PTPRM: variants seen among roughly 807,000 people sequenced by gnomAD.
PTPRM encodes protein tyrosine phosphatase receptor type M.
Under a neutral mutation model 186.7 loss-of-function variants are expected in PTPRM, and 47 were observed. The observed-to-expected ratio is 0.25, with a 90% CI of 0.20 to 0.32. PTPRM has a LOEUF of 0.32. Ranked by LOEUF, PTPRM falls within the 10% of genes least tolerant of loss-of-function variation. The pLI, the probability that PTPRM is intolerant of heterozygous loss-of-function variation, is 1.00. For missense variants in PTPRM, 1,494 were observed against 1,865.0 expected (o/e 0.80, Z 3.66); for synonymous variants, 668 against 674.9 (o/e 0.99, Z 0.16).
chr18:8,159,204 A>G (rs1253837343), intron 14 of PTPRM, among the ~76,000 whole-genome samples: 2 of 151,668 alleles, frequency 1.3e-5, no homozygotes, highest in Non-Finnish European at 2.9e-5. Context: ...TCTCAGCATT[A>G]TAAGATGTAG....
chr18:8,243,424 G>C (rs1412896782), intron 14 of PTPRM, among the ~76,000 whole-genome samples: 1 of 152,120 alleles, frequency 6.6e-6, no homozygotes, highest in Non-Finnish European at 1.5e-5. Flanking sequence ...TTTGGGATTT[G>C]GGACAGGGTC....
chr18:8,200,324 G>A (rs766024329), intron 14 of PTPRM, among the ~76,000 whole-genome samples: 7 of 152,168 alleles, frequency 4.6e-5, no homozygotes, highest in Non-Finnish European at 1.0e-4. Flanking sequence ...GAGCTGGGAT[G>A]TGACTCAGCA....
At chr18:7,922,967 G>A (rs566661476) in intron 4 of PTPRM, among the ~76,000 whole-genome samples, 2 of 152,120 alleles carry the variant, frequency 1.3e-5, no homozygotes, top group Non-Finnish European at 2.9e-5. Context: ...CTAATTTTTT[G>A]TTGTGGGGGC....
chr18:8,234,683 A>C (rs761641066), intron 14 of PTPRM, among the ~76,000 whole-genome samples: 1 of 152,052 alleles, frequency 6.6e-6, no homozygotes, highest in African/African-American at 2.4e-5. Context: ...GAAAGCTTTT[A>C]TTTTTGCAAC....
chr18:8,195,017 C>A (rs962279625), intron 14 of PTPRM, among the ~76,000 whole-genome samples: 1 of 152,184 alleles, frequency 6.6e-6, no homozygotes, highest in Non-Finnish European at 1.5e-5. Flanking sequence ...ACTCTACATG[C>A]AAACAGCATC....
intron 19 of PTPRM, among the ~76,000 whole-genome samples, chr18:8,293,906 T>C (rs577213585): frequency 7.2e-5 from 11 of 152,330 alleles, no homozygotes; most frequent in African/African-American, 2.6e-4. Context: ...GTATTTGCCC[T>C]GTATCATACA....
chr18:8,355,695 C>G (rs541152192), intron 23 of PTPRM, among the ~76,000 whole-genome samples: 67 of 152,260 alleles, frequency 4.4e-4, no homozygotes, highest in African/African-American at 1.5e-3. Flanking sequence ...AGACTGATGG[C>G]CTATCTGAGT....
intron 4 of PTPRM, among the ~76,000 whole-genome samples, chr18:7,916,509 A>C (rs567753764): frequency 6.6e-6 from 1 of 152,308 alleles, no homozygotes; most frequent in South Asian, 2.1e-4. Flanking sequence ...GGGTGCCAAC[A>C]CGGTCAGGTT....
intron 1 of PTPRM, among the ~76,000 whole-genome samples, chr18:7,667,154 G>A (rs2039114747): frequency 6.6e-6 from 1 of 152,104 alleles, no homozygotes; most frequent in Admixed American, 6.5e-5. Context: ...TTTTGTGTCA[G>A]GTATTTCAAA....
intron 1 of PTPRM, among the ~76,000 whole-genome samples, chr18:7,712,427 A>G (rs182036164): frequency 6.6e-6 from 1 of 152,240 alleles, no homozygotes; most frequent in East Asian, 1.9e-4. Flanking sequence ...AAAGGCTGAA[A>G]ATTGCAAAAA....
chr18:8,167,052 A>G (rs6506551), intron 14 of PTPRM, among the ~76,000 whole-genome samples: 25,938 of 152,216 alleles, frequency 0.17, 2,682 homozygotes, highest in African/African-American at 0.29. Flanking sequence ...ACTCTTGGAC[A>G]CAGGCTCTGC....
intron 19 of PTPRM, among the ~76,000 whole-genome samples, chr18:8,253,749 C>T (rs2094550506): frequency 6.6e-6 from 1 of 152,190 alleles, no homozygotes; most frequent in Non-Finnish European, 1.5e-5. Context: ...TCAAGGCCGA[C>T]TGTATTTTAT....
chr18:8,267,330 A>C (rs1177685964), intron 19 of PTPRM, among the ~76,000 whole-genome samples: 1 of 152,136 alleles, frequency 6.6e-6, no homozygotes, highest in Non-Finnish European at 1.5e-5. Context: ...AATAGTTGTA[A>C]GAGTATGGAG....
chr18:7,625,967 G>A (rs779641170), intron 1 of PTPRM, among the ~76,000 whole-genome samples: 5 of 152,146 alleles, frequency 3.3e-5, no homozygotes, highest in African/African-American at 9.7e-5. Flanking sequence ...CCAGGTCCTC[G>A]GCATCCAGCT....
rs551189728 is a variant in PTPRM, at chr18:7,618,739, A to G, written c.73+50848A>G. Among the ~76,000 whole-genome samples, 26 of 152,286 alleles carry G rather than the reference A, an allele frequency of 1.7e-4. No individual in the cohort carries two copies. In the East Asian group the frequency reaches 4.1e-3, roughly 24 times the overall value. On this transcript the variant is annotated intron_variant, in intron 1 of 32. Transcript: ENST00000580170. ...ACATTTAAGATGCGTGCTATACAAA[A>G]TACGGTTCCTGGCTAACCAGCACCA... is the stretch of plus-strand genomic sequence containing the variant.
At chr18:7,803,035 G>T (rs2044053528) in intron 2 of PTPRM, among the ~76,000 whole-genome samples, 1 of 152,184 alleles carries the variant, frequency 6.6e-6, no homozygotes, top group African/African-American at 2.4e-5. Context: ...CAGAAAGGGG[G>T]TAGTATCCAA....
chr18:7,821,890 G>T (rs2045217751), intron 2 of PTPRM, among the ~76,000 whole-genome samples: 1 of 152,196 alleles, frequency 6.6e-6, no homozygotes, highest in South Asian at 2.1e-4. Flanking sequence ...ACACTGCTTA[G>T]AACAATGCAC....
At chr18:7,963,116 G>T (rs191832715) in intron 7 of PTPRM, among the ~76,000 whole-genome samples, 484 of 152,338 alleles carry the variant, frequency 3.2e-3, no homozygotes, top group African/African-American at 0.011. Context: ...AACATTAAAA[G>T]GGCATGAGGA....
chr18:8,306,286 C>G (rs1247166865), intron 20 of PTPRM, among the ~76,000 whole-genome samples: 4 of 152,104 alleles, frequency 2.6e-5, no homozygotes, highest in African/African-American at 4.8e-5. Context: ...CCCAGAACTC[C>G]TAGGAAAGTA....
Sources: gnomAD v4.1 joint callset for allele counts (sites outside exome capture counted in the v4.1 genomes callset) on GRCh38, gnomAD v4.1.1 for gene constraint, MANE v1.5 for transcripts, NCBI Gene and HGNC (gene_info 2026-07-23, HGNC 2026-07-21) for gene names.